The following FBXL20 variants were observed in gnomAD, a reference collection of about 807,000 sequenced individuals.
FBXL20 encodes F-box/LRR-repeat protein 20.
Under a neutral mutation model 64.0 loss-of-function variants are expected in FBXL20, and 11 were observed. The observed-to-expected ratio is 0.17, with a 90% CI of 0.11 to 0.28. FBXL20 has a LOEUF of 0.28. Among genes scored for constraint, FBXL20 ranks in the 10% least tolerant of loss-of-function variants. The pLI is 1.00. For synonymous variants in FBXL20, 184 were observed against 189.0 expected (o/e 0.97, Z 0.22); for missense variants, 303 against 526.2 (o/e 0.58, Z 4.15).
intron 2 of FBXL20, among the ~76,000 whole-genome samples, chr17:39,311,840 G>T (rs370387434): frequency 8.5e-5 from 13 of 152,240 alleles, no homozygotes; most frequent in East Asian, 5.8e-4. Context: ...TACAAGCAAT[G>T]ATCCTAATTA....
chr17:39,319,892 A>G (rs571045009), intron 2 of FBXL20, among the ~76,000 whole-genome samples: 1 of 152,226 alleles, frequency 6.6e-6, no homozygotes, highest in South Asian at 2.1e-4. Flanking sequence ...GATTGCAAGC[A>G]TGAGCCACTG....
intron 6 of FBXL20, among the ~76,000 whole-genome samples, chr17:39,296,619 CT>C (rs1329506079): frequency 6.6e-6 from 1 of 151,264 alleles, no homozygotes; most frequent in Non-Finnish European, 1.5e-5. Context: ...AATAACTACC[CT>C]CTAGGTCTAA....
At chr17:39,378,902 C>A (rs1229291689) in intron 1 of FBXL20, among the ~76,000 whole-genome samples, 1 of 150,744 alleles carries the variant, frequency 6.6e-6, no homozygotes, top group Middle Eastern at 3.5e-3. Flanking sequence ...TGAGCCACCG[C>A]GCCCGGCCAT....
intron 2 of FBXL20, among the ~76,000 whole-genome samples, chr17:39,310,619 AAGG>A (rs2047226258): frequency 6.6e-6 from 1 of 151,844 alleles, no homozygotes; most frequent in African/African-American, 2.4e-5. Flanking sequence ...AGGCTAAGGC[AAGG>A]AGGATTACTT....
chr17:39,311,720 T>G (rs1278280800), intron 2 of FBXL20, among the ~76,000 whole-genome samples: 2 of 152,224 alleles, frequency 1.3e-5, no homozygotes, highest in Non-Finnish European at 2.9e-5. Flanking sequence ...TGTACTTTTA[T>G]GAGGAGCTTC....
intron 14 of FBXL20, 39 bp downstream of exon 14, chr17:39,264,136 G>A: frequency 6.3e-7 from 1 of 1,579,080 alleles, no homozygotes; most frequent in African/African-American, 1.3e-5. Context: ...AGAAAGTGCT[G>A]CTAACACTAG....
intron 1 of FBXL20, among the ~76,000 whole-genome samples, chr17:39,374,379 A>G (rs2047947186): frequency 6.6e-6 from 1 of 151,928 alleles, no homozygotes; most frequent in African/African-American, 2.4e-5. Flanking sequence ...AAATACAAAA[A>G]AAAAAAATTA....
chr17:39,386,140 C>T (rs983394145), intron 1 of FBXL20, among the ~76,000 whole-genome samples: 2 of 151,230 alleles, frequency 1.3e-5, no homozygotes, highest in African/African-American at 4.9e-5. Flanking sequence ...TCAGGACATC[C>T]AGACTACCAT....
At chr17:39,273,775 G>A (rs990866015) in intron 10 of FBXL20, among the ~76,000 whole-genome samples, 2 of 150,206 alleles carry the variant, frequency 1.3e-5, no homozygotes, top group Non-Finnish European at 3.0e-5. Flanking sequence ...AGCCGAGATC[G>A]CGCCACTGCA....
chr17:39,402,459 C>T, upstream of FBXL20: 1 of 301,654 alleles, frequency 3.3e-6, no homozygotes, highest in Middle Eastern at 9.1e-4. Context: ...GGGATGGCTG[C>T]GGAGCTGCAC....
intron 1 of FBXL20, among the ~76,000 whole-genome samples, chr17:39,388,307 A>G (rs1263283186): frequency 1.3e-5 from 2 of 151,920 alleles, no homozygotes; most frequent in Non-Finnish European, 2.9e-5. Flanking sequence ...AAGTGCAAAA[A>G]AAATAGCTGG....
rs576946135 is a variant in FBXL20 at position 39,291,024 on chromosome 17, C to G, written c.399-5451G>C. ...TCGCCCAGGCTGGAGTGCAGTGGCG[C>G]GATCTCGGCTCACTGCAAGCTCCGC... On this transcript the variant is annotated intron_variant, in intron 6 of 14. Coordinates refer to ENST00000264658, the MANE Select transcript of FBXL20 (RefSeq NM_032875.3). Among the ~76,000 whole-genome samples the G allele has an allele frequency of 6.3e-3, 954 of 151,470 alleles. 17 individuals are homozygous for G. The highest frequency in any genetic ancestry group is 0.022 in the African/African-American group (913 of 41,238).
chr17:39,367,697 G>T (rs895696214), intron 1 of FBXL20, among the ~76,000 whole-genome samples: 9 of 151,860 alleles, frequency 5.9e-5, no homozygotes, highest in Admixed American at 2.0e-4. Context: ...AATTCTTTTT[G>T]GGGGACAGAG....
chr17:39,281,361 C>T (rs369921413), intron 9 of FBXL20, 28 bp downstream of exon 9: 13 of 1,603,736 alleles, frequency 8.1e-6, no homozygotes, highest in East Asian at 2.2e-5. Flanking sequence ...ATTACTAAAA[C>T]AGAAGAGTTG....
At chr17:39,361,500 A>G (rs920329254) in intron 1 of FBXL20, among the ~76,000 whole-genome samples, 6 of 152,102 alleles carry the variant, frequency 3.9e-5, no homozygotes, top group Non-Finnish European at 8.8e-5. Flanking sequence ...TTCTCAAAAC[A>G]AGAAGAAATG....
intron 2 of FBXL20, among the ~76,000 whole-genome samples, chr17:39,303,966 G>T (rs1405983506): frequency 6.6e-6 from 1 of 152,108 alleles, no homozygotes; most frequent in East Asian, 1.9e-4. Context: ...GTGAACTATT[G>T]CACCTGGTCA....
chr17:39,268,025 T>C (rs1567856455), intron 12 of FBXL20, among the ~76,000 whole-genome samples: 1 of 152,188 alleles, frequency 6.6e-6, no homozygotes, highest in Non-Finnish European at 1.5e-5. Flanking sequence ...GAGTCCCATG[T>C]TCGAAGTTTT....
In FBXL20 at chr17:39,274,996, A is replaced by C; in HGVS notation, c.801T>G (p.Ala267=). The C allele has an allele frequency of 6.2e-7, 1 of 1,614,138 alleles. No homozygotes were observed. Among genetic ancestry groups the C allele is most frequent in the South Asian group, 1.1e-5 (1 of 91,058 alleles). The part of the protein sequence containing the change: ...CSNITDAILN[A]LGQNCPRLRI... The stretch of plus-strand genomic sequence containing the variant: ...TAAGCCGTGGGCAGTTCTGACCTAG[A>C]GCATTCAGGATGGCATCTGTGATGT... Residue 267 remains alanine, a synonymous_variant, in exon 10 of 15, where the codon GCT becomes GCG. Coordinates refer to ENST00000264658, the MANE Select transcript of FBXL20 (RefSeq NM_032875.3).
At chr17:39,276,221 GAAAAAAAAAA>G (rs1215336803) in intron 9 of FBXL20, among the ~76,000 whole-genome samples, 6 of 60,570 alleles carry the variant, frequency 9.9e-5, no homozygotes, top group Non-Finnish European at 1.5e-4. Flanking sequence ...AGCAAGAAAA[GAAAAAAAAAA>G]AAAAAAAAAA....
Sources: gnomAD v4.1 joint callset for allele counts (sites outside exome capture counted in the v4.1 genomes callset) on GRCh38, gnomAD v4.1.1 for gene constraint, MANE v1.5 for transcripts, NCBI Gene and HGNC (gene_info 2026-07-23, HGNC 2026-07-21) for gene names.